The following PDE3A variants were observed in gnomAD, a reference collection of about 807,000 sequenced individuals.
The protein encoded by PDE3A is phosphodiesterase 3A, also known as cGMP-inhibited 3',5'-cyclic phosphodiesterase 3A.
A neutral mutation model predicts 98.3 loss-of-function variants in PDE3A; 43 were observed. That is an observed-to-expected ratio of 0.44 (90% confidence interval 0.34 to 0.56). The LOEUF is 0.56. Among genes scored for constraint, PDE3A ranks in the 20% least tolerant of loss-of-function variants. The pLI is 0.01. For missense variants in PDE3A, 1,427 were observed against 1,440.7 expected, an observed-to-expected ratio of 0.99 and a Z score of 0.15; for synonymous variants, 663 against 567.9, an observed-to-expected ratio of 1.17 and a Z score of -2.38.
rs1221978424 is a variant in PDE3A, at chr12:20,592,434, G to A, written c.1012-21009G>A. Among the ~76,000 whole-genome samples, 37 of 152,096 alleles carry A rather than the reference G, an allele frequency of 2.4e-4. 1 individual carries two copies. Among genetic ancestry groups the A allele is most frequent in the Non-Finnish European group, 2.9e-5 (2 of 68,010 alleles). On this transcript the variant is annotated intron_variant, in intron 2 of 15. Transcript: ENST00000359062. Reference sequence around the variant, plus strand: ...GTTTTTAAAAACTATAATATCAAACGACTATGCTAGCAATAAGTCAAAATT... The same window carrying A: ...GTTTTTAAAAACTATAATATCAAACAACTATGCTAGCAATAAGTCAAAATT...
At chr12:20,543,725 T>A (rs551925820) in intron 1 of PDE3A, among the ~76,000 whole-genome samples, 1 of 152,198 alleles carries the variant, frequency 6.6e-6, no homozygotes, top group African/African-American at 2.4e-5. Context: ...ATATATCATG[T>A]GAATTTTACG....
intron 2 of PDE3A, among the ~76,000 whole-genome samples, chr12:20,570,925 C>G (rs945998563): frequency 6.6e-6 from 1 of 152,132 alleles, no homozygotes; most frequent in African/African-American, 2.4e-5. Context: ...AGTATCCATT[C>G]AGTATCAGCT....
chr12:20,592,125 G>C (rs1244364136), intron 2 of PDE3A, among the ~76,000 whole-genome samples: 1 of 152,060 alleles, frequency 6.6e-6, no homozygotes, highest in Non-Finnish European at 1.5e-5. Context: ...GTCTTAGGTA[G>C]GTTACATTAC....
At chr12:20,664,379 A>T (rs1296774052) in intron 15 of PDE3A, among the ~76,000 whole-genome samples, 2 of 152,180 alleles carry the variant, frequency 1.3e-5, no homozygotes, top group Non-Finnish European at 2.9e-5. Context: ...GGTTGCTTGG[A>T]AAAGAACAGA....
chr12:20,421,844 A>G (rs1944517090), intron 1 of PDE3A, among the ~76,000 whole-genome samples: 1 of 152,282 alleles, frequency 6.6e-6, no homozygotes, highest in Non-Finnish European at 1.5e-5. Flanking sequence ...TAAAGTAAAG[A>G]GTGGGAAAAT....
At chr12:20,553,135 G>A in intron 1 of PDE3A, 1 of 805,956 alleles carries the variant, frequency 1.2e-6, no homozygotes, top group Non-Finnish European at 1.9e-6. Context: ...CCCTAAAAAG[G>A]TTTGTCTTCC....
chr12:20,586,284 C>T (rs996790158), intron 2 of PDE3A, among the ~76,000 whole-genome samples: 1 of 152,142 alleles, frequency 6.6e-6, no homozygotes, highest in Non-Finnish European at 1.5e-5. Context: ...AGATATGACA[C>T]CCTCCCCTTT....
Position 20,621,364 on chromosome 12 carries a change from CTAT to C in PDE3A, c.1495_1497del (p.Ile499del). ...AGCAGATCCTTTACTTCATCCTATG[CTAT>C]TTCTGCAGCTAACCATGTAAAGGCT... On this transcript the variant is annotated inframe_deletion, in exon 5 of 16. Coordinates refer to ENST00000359062, the MANE Select transcript of PDE3A (RefSeq NM_000921.5). The C allele has an allele frequency of 6.2e-7, 1 of 1,612,356 alleles. No individual in the cohort carries two copies. Among genetic ancestry groups the C allele is most frequent in the South Asian group, 1.1e-5 (1 of 91,050 alleles).
At chr12:20,628,648 C>T (rs967586113) in intron 5 of PDE3A, among the ~76,000 whole-genome samples, 28 of 152,062 alleles carry the variant, frequency 1.8e-4, no homozygotes, top group African/African-American at 5.3e-4. Context: ...TAGGAACTAA[C>T]AATAGATATG....
chr12:20,637,377 T>C, intron 9 of PDE3A, 140 bp downstream of exon 9: 3 of 535,538 alleles, frequency 5.6e-6, no homozygotes, highest in Non-Finnish European at 9.6e-6. Flanking sequence ...TTCTGTAGAT[T>C]CCTTGCTGTG....
intron 1 of PDE3A, among the ~76,000 whole-genome samples, chr12:20,379,327 G>T (rs1239280393): frequency 6.6e-6 from 1 of 151,724 alleles, no homozygotes; most frequent in East Asian, 1.9e-4. Context: ...AGCAGTGTTT[G>T]TCCTCGTGAT....
chr12:20,383,700 TTCCTAACTTGGTTACAGACAG>T (rs1355667716), intron 1 of PDE3A, among the ~76,000 whole-genome samples: 2 of 151,910 alleles, frequency 1.3e-5, no homozygotes, highest in East Asian at 3.9e-4. Context: ...GGTCATCTCT[TTCCTAACTTGGTTACAGACAG>T]TCCATGGATT....
At chr12:20,472,609 C>T (rs1409940184) in intron 1 of PDE3A, among the ~76,000 whole-genome samples, 4 of 152,000 alleles carry the variant, frequency 2.6e-5, no homozygotes, top group Non-Finnish European at 4.4e-5. Flanking sequence ...AGCTGCAACT[C>T]ATCTTAAGAA....
At chr12:20,490,372 TG>T (rs1382671254) in intron 1 of PDE3A, among the ~76,000 whole-genome samples, 45 of 152,228 alleles carry the variant, frequency 3.0e-4, no homozygotes, top group Admixed American at 2.9e-3. Context: ...TGTCTAGTGA[TG>T]AGGCAAAATT....
At chr12:20,541,436 G>A (rs1941907519) in intron 1 of PDE3A, among the ~76,000 whole-genome samples, 1 of 151,698 alleles carries the variant, frequency 6.6e-6, no homozygotes, top group Non-Finnish European at 1.5e-5. Flanking sequence ...CTTCAATCAA[G>A]GATACAGTAC....
intron 1 of PDE3A, among the ~76,000 whole-genome samples, chr12:20,501,888 C>A (rs1362078147): frequency 1.3e-5 from 2 of 152,122 alleles, no homozygotes; most frequent in Non-Finnish European, 2.9e-5. Context: ...TAACACCCCA[C>A]TTCATGCAGT....
At chr12:20,607,346 A>G (rs1261859408) in intron 2 of PDE3A, among the ~76,000 whole-genome samples, 2 of 150,448 alleles carry the variant, frequency 1.3e-5, no homozygotes, top group African/African-American at 4.9e-5. Context: ...CTGAGGTTGG[A>G]GGATTACTTG....
intron 5 of PDE3A, among the ~76,000 whole-genome samples, chr12:20,623,420 T>C (rs1166698612): frequency 1.3e-5 from 2 of 152,130 alleles, no homozygotes; most frequent in Non-Finnish European, 2.9e-5. Flanking sequence ...CAAATTTCCT[T>C]TTCAGAAAAG....
At chr12:20,474,010 G>A (rs1050477766) in intron 1 of PDE3A, among the ~76,000 whole-genome samples, 2 of 152,100 alleles carry the variant, frequency 1.3e-5, no homozygotes, top group Non-Finnish European at 2.9e-5. Flanking sequence ...GAGTTAAATT[G>A]TTAGGTTAAA....
Sources: gnomAD v4.1 joint callset for allele counts (sites outside exome capture counted in the v4.1 genomes callset) on GRCh38, gnomAD v4.1.1 for gene constraint, MANE v1.5 for transcripts, NCBI Gene and HGNC (gene_info 2026-07-23, HGNC 2026-07-21) for gene names.